MROH2A: variants seen among roughly 807,000 people sequenced by gnomAD.
The protein encoded by MROH2A is maestro heat-like repeat-containing protein family member 2A.
MROH2A carries 174 observed loss-of-function variants against 200.4 expected under a neutral mutation model. The observed-to-expected ratio is 0.87, with a 90% CI of 0.77 to 0.98. MROH2A has a LOEUF of 0.98. Among genes scored for constraint, MROH2A ranks in the 50% least tolerant of loss-of-function variants. The pLI is 0.00. For missense variants in MROH2A, 2,045 were observed against 2,139.6 expected, an observed-to-expected ratio of 0.96 and a Z score of 0.87; for synonymous variants, 829 against 840.4, an observed-to-expected ratio of 0.99 and a Z score of 0.23.
rs754536645 is a variant in MROH2A at position 233,807,762 on chromosome 2, C to T, written c.2202C>T (p.Ala734=). The change falls in exon 21 of 42, where the codon GCC becomes GCT. Residue 734 remains alanine, a synonymous_variant. Coordinates refer to ENST00000389758, the MANE Select transcript of MROH2A (RefSeq NM_001394639.1). The surrounding 1 kb of genome is among the most constrained non-coding windows in gnomAD (Gnocchi z 4.3). The part of the protein sequence containing the change: ...EGVIMCFGLC[A]RGQVKTVLNV... ...TGATTATGTGCTTTGGCCTGTGTGC[C>T]CGGGGCCAGGTAAAAACGGTGCTGA... 5 of 1,550,714 alleles carry T rather than the reference C, an allele frequency of 3.2e-6. No homozygotes were observed. The highest frequency in any genetic ancestry group is 4.4e-6 in the Non-Finnish European group (5 of 1,147,026).
At chr2:233,808,001 C>A in intron 21 of MROH2A, 146 bp downstream of exon 21, 1 of 1,071,228 alleles carries the variant, frequency 9.3e-7, no homozygotes, top group Non-Finnish European at 1.3e-6. Flanking sequence ...CATTGTCTTA[C>A]TCTGAGACCT....
In MROH2A at chr2:233,828,533, G is replaced by A; in HGVS notation, c.4114-97G>A. The A allele has an allele frequency of 6.9e-7, 1 of 1,440,918 alleles. No homozygotes were observed. Among genetic ancestry groups the A allele is most frequent in the Non-Finnish European group, 9.3e-7 (1 of 1,073,274 alleles). 89.3% of individuals were successfully genotyped at this position (1,440,918 alleles called of 1,614,324 possible). A position where few individuals can be genotyped will look rare whatever the true frequency, so the allele number is the denominator to read the frequency against. On this transcript the variant is annotated intron_variant, in intron 35 of 41. Transcript: ENST00000389758. The surrounding 1 kb of genome is among the most constrained non-coding windows in gnomAD (Gnocchi z 4.6). ...CAGAGCCCCTCCCCTCCTGTCCACAGAGCCACCAATCTGCATTACCTCTCC... is the reference window on the plus strand; with the variant it reads ...CAGAGCCCCTCCCCTCCTGTCCACAAAGCCACCAATCTGCATTACCTCTCC...
Position 233,828,441 on chromosome 2 carries a change from T to G in MROH2A, c.4114-189T>G. On this transcript the variant is annotated intron_variant, in intron 35 of 41. Coordinates refer to ENST00000389758, the MANE Select transcript of MROH2A (RefSeq NM_001394639.1). This position sits in a 1 kb window ranked among gnomAD's most constrained non-coding sequence, Gnocchi z 4.6. ...ATTCCCCCCATATTTCCTTATTAAA[T>G]CCCCACACAGACCCTGAGGCAGGTA... is the stretch of plus-strand genomic sequence containing the variant. The G allele has an allele frequency of 1.6e-6, 1 of 611,128 alleles. No homozygotes were observed. Among genetic ancestry groups the G allele is most frequent in the South Asian group, 2.4e-5 (1 of 41,074 alleles). 37.9% of individuals were successfully genotyped at this position (611,128 alleles called of 1,614,324 possible).
In MROH2A at chr2:233,795,975, C is replaced by T; in HGVS notation, c.1068C>T (p.Asn356=). Residue 356 remains asparagine (N), a synonymous_variant, in exon 10 of 42, where the codon AAC becomes AAT. Coordinates refer to ENST00000389758, the MANE Select transcript of MROH2A (RefSeq NM_001394639.1). The part of the protein sequence containing the change: ...IFTELHVQVC[N]KAPAQHQYSS... Reference sequence around the variant, plus strand: ...TGCACGTCCCTCACCAGGTGTGCAACAAGGCCCCGGCCCAGCATCAGTACA... The same window carrying T: ...TGCACGTCCCTCACCAGGTGTGCAATAAGGCCCCGGCCCAGCATCAGTACA... The T allele has an allele frequency of 1.3e-6, 2 of 1,550,610 alleles. No homozygotes were observed. Among genetic ancestry groups the T allele is most frequent in the Non-Finnish European group, 1.7e-6 (2 of 1,146,984 alleles).
rs1702913584 is a variant in MROH2A, at chr2:233,807,954, C to T, written c.2295+99C>T. 2 of 1,447,986 alleles carry T rather than the reference C, an allele frequency of 1.4e-6. No homozygotes were observed. Among genetic ancestry groups the T allele is most frequent in the Non-Finnish European group, 1.9e-6 (2 of 1,061,938 alleles). The allele number at this position is 1,447,986 out of a possible 1,614,324, so 89.7% of individuals were successfully genotyped here. On this transcript the variant is annotated intron_variant, in intron 21 of 41. Coordinates refer to ENST00000389758, the MANE Select transcript of MROH2A (RefSeq NM_001394639.1). The surrounding 1 kb of genome is among the most constrained non-coding windows in gnomAD (Gnocchi z 4.3). The stretch of plus-strand genomic sequence containing the variant: ...TTTCTAGATCTCAGTAGGAAACTTG[C>T]CTCACACGGAGTCTCCTGTCATCAA...
chr2:233,805,084 G>C lies in MROH2A; in HGVS notation c.2025G>C (p.Ala675=). ...GTAAAGAGCTGAACAACCAGATTGC[G>C]AGCTTTGACAGCCCCTCTCTGGAGA... is the stretch of plus-strand genomic sequence containing the variant. ...RLSKELNNQI[A]SFDSPSLEKG... is the part of the protein sequence containing the mutation. Residue 675 remains alanine, a synonymous_variant, in exon 19 of 42, where the codon GCG becomes GCC. Transcript: ENST00000389758. 2 of 1,549,902 alleles carry C rather than the reference G, an allele frequency of 1.3e-6. No individual in the cohort carries two copies. Among genetic ancestry groups the C allele is most frequent in the Non-Finnish European group, 1.7e-6 (2 of 1,146,648 alleles).
Position 233,814,626 on chromosome 2 carries a change from G to C in MROH2A, c.2805G>C (p.Glu935Asp), listed in dbSNP as rs544539287. 6.4e-7 allele frequency: 1 copy of C among 1,550,494 alleles called. No homozygotes were observed. The highest frequency in any genetic ancestry group is 8.7e-7 in the Non-Finnish European group (1 of 1,146,930). ...NALSSLEQLM[E>D]SLLQRQLDPK... is the part of the protein sequence containing the mutation. The stretch of plus-strand genomic sequence containing the variant: ...TGAGCTCCCTGGAGCAGCTGATGGA[G>C]AGCCTCCTGCAGAGGCAGCTGGACC... Residue 935 changes from glutamate (E) to aspartate (D), a missense_variant, in exon 26 of 42, where the codon GAG (glutamate) becomes GAC (aspartate). Physicochemically the swap from Glu to Asp is conservative, Grantham distance 45. Around this residue, in one of 3 missense-constraint regions of MROH2A, gnomAD observed 1,201 missense variants for 1,311.3 expected, o/e 0.92. Coordinates refer to ENST00000389758, the MANE Select transcript of MROH2A (RefSeq NM_001394639.1).
At chr2:233,788,077 A>G (rs1188369462) in intron 3 of MROH2A, among the ~76,000 whole-genome samples, 3 of 92,890 alleles carry the variant, frequency 3.2e-5, no homozygotes, top group African/African-American at 4.6e-5. Flanking sequence ...ATATATACAT[A>G]TATATTATAT....
chr2:233,817,533 T>A (rs564023787), intron 27 of MROH2A, among the ~76,000 whole-genome samples: 1 of 152,254 alleles, frequency 6.6e-6, no homozygotes, highest in East Asian at 1.9e-4. Context: ...CTCAGTAACA[T>A]GTGAGGCCAG....
intron 25 of MROH2A, 133 bp downstream of exon 25, chr2:233,813,911 C>G (rs1426770023): frequency 3.7e-6 from 2 of 534,710 alleles, no homozygotes; most frequent in African/African-American, 3.8e-5. Context: ...CAAGCTCTAT[C>G]AGTAAATGTA....
chr2:233,822,929 G>A lies in MROH2A; in HGVS notation c.3915G>A (p.Gln1305=). The A allele has an allele frequency of 6.4e-7, 1 of 1,550,618 alleles. No homozygotes were observed. Among genetic ancestry groups the A allele is most frequent in the Non-Finnish European group, 8.7e-7 (1 of 1,146,986 alleles). The change falls in exon 34 of 42, where the codon CAG becomes CAA. Residue 1305 remains glutamine (Q), a synonymous_variant. Transcript: ENST00000389758. ...TCTTGTTCAAGAGAGTCAAGAGCCA[G>A]CACCTGGCACATACCCTGGACGAGC... ...MQLLFKRVKS[Q]HLAHTLDEQA... is the part of the protein sequence containing the mutation.
chr2:233,816,733 GC>G, intron 26 of MROH2A, 47 bp from the exon 27 acceptor site: 1 of 1,343,076 alleles, frequency 7.4e-7, no homozygotes, highest in Non-Finnish European at 1.0e-6. Context: ...GAAAGGGCTG[GC>G]CCCAGGATTT....
Position 233,831,392 on chromosome 2 carries a change from G to C in MROH2A, c.4603-17G>C. Reference sequence around the variant, plus strand: ...TGGCCTGGCTGATGGCTCTGCTGCCGTCCTGTGTCCCTGCAGGCCTGTATG... The same window carrying C: ...TGGCCTGGCTGATGGCTCTGCTGCCCTCCTGTGTCCCTGCAGGCCTGTATG... On this transcript the variant is annotated splice_polypyrimidine_tract_variant and intron_variant, in intron 38 of 41. Transcript: ENST00000389758. The C allele has an allele frequency of 6.5e-7, 1 of 1,541,906 alleles. No homozygotes were observed. Among genetic ancestry groups the C allele is most frequent in the South Asian group, 1.2e-5 (1 of 82,690 alleles).
At chr2:233,777,595 G>T (rs188325673), upstream of MROH2A, among the ~76,000 whole-genome samples, 1 of 152,248 alleles carries the variant, frequency 6.6e-6, no homozygotes, top group Non-Finnish European at 1.5e-5. Flanking sequence ...GTAGAAAGAG[G>T]CTGGTCCTGA....
intron 25 of MROH2A, 95 bp downstream of exon 25, chr2:233,813,873 T>C: frequency 1.5e-6 from 1 of 655,540 alleles, no homozygotes; most frequent in Non-Finnish European, 2.7e-6. Flanking sequence ...TGAACCACCT[T>C]TGAGTGTTTA....
chr2:233,807,436 G>C lies in MROH2A; in HGVS notation c.2066G>C (p.Arg689Pro). The C allele has an allele frequency of 1.9e-6, 3 of 1,550,452 alleles. No homozygotes were observed. Among genetic ancestry groups the C allele is most frequent in the Non-Finnish European group, 2.6e-6 (3 of 1,146,936 alleles). ...SPSLEKGFLY[R>P]ALGFTLATGL... is the part of the protein sequence containing the mutation. ...CTGCCTCTCCAGGGCTTTCTGTACC[G>C]GGCCTTGGGCTTCACCTTGGCCACA... Residue 689 changes from arginine to proline, a missense_variant, in exon 20 of 42, where the codon CGG becomes CCG. By Grantham distance (103) the Arg-to-Pro change is moderately radical. Transcript: ENST00000389758. The surrounding 1 kb of genome is among the most constrained non-coding windows in gnomAD (Gnocchi z 4.3).
chr2:233,777,310 C>T (rs1420996048), upstream of MROH2A, among the ~76,000 whole-genome samples: 1 of 152,206 alleles, frequency 6.6e-6, no homozygotes, highest in African/African-American at 2.4e-5. Flanking sequence ...TAGCTGCACA[C>T]AGTAGGCGTG....
Position 233,805,036 on chromosome 2 carries a change from G to T in MROH2A, c.1977G>T (p.Gly659=). 2.6e-6 allele frequency: 4 copies of T among 1,550,294 alleles called. No homozygotes were observed. The highest frequency in any genetic ancestry group is 3.5e-6 in the Non-Finnish European group (4 of 1,146,844). The change falls in exon 19 of 42, where the codon GGG becomes GGT. Residue 659 remains glycine (G), a synonymous_variant. Coordinates refer to ENST00000389758, the MANE Select transcript of MROH2A (RefSeq NM_001394639.1). ...GAAACTCCCTCAAGAAGACCCGGGG[G>T]TCTAGCTGGAGCCTGCGCTTGAGTA... ...FLRNSLKKTR[G]SSWSLRLSKE...
At chr2:233,785,751 G>C (rs1401890819) in intron 3 of MROH2A, among the ~76,000 whole-genome samples, 5 of 152,266 alleles carry the variant, frequency 3.3e-5, no homozygotes, top group Non-Finnish European at 7.4e-5. Context: ...GATTAGGACA[G>C]GTGGATAGTG....
Sources: allele counts gnomAD v4.1 joint callset (sites outside exome capture counted in the v4.1 genomes callset), GRCh38; gene constraint gnomAD v4.1.1; regional missense constraint gnomAD v4.1.1; non-coding constraint Gnocchi (gnomAD v3.1); transcripts MANE v1.5; gene names NCBI Gene and HGNC (gene_info 2026-07-23, HGNC 2026-07-21).